Variants in SH3BP4 observed in about 807,000 individuals in gnomAD.
SH3BP4 encodes SH3 domain-binding protein 4.
In SH3BP4, 33 loss-of-function variants were observed where a neutral mutation model predicts 65.5. The ratio of observed to expected loss-of-function variants is 0.50; its 90% confidence interval spans 0.38 to 0.67. The LOEUF (loss-of-function observed/expected upper bound fraction) is 0.67. SH3BP4 is among the 30% of genes least tolerant of loss of function. The pLI, the probability that SH3BP4 is intolerant of heterozygous loss-of-function variation, is 0.00. For synonymous variants in SH3BP4, 552 were observed against 545.5 expected (o/e 1.01, Z -0.17); for missense variants, 1,134 against 1,261.4 (o/e 0.90, Z 1.53).
chr2:235,024,916 A>C (rs1694952746), intron 2 of SH3BP4, among the ~76,000 whole-genome samples: 1 of 152,058 alleles, frequency 6.6e-6, no homozygotes. Context: ...GTCTGAGTAC[A>C]ACCCTCTGGC....
In SH3BP4 at chr2:235,033,460, C is replaced by T. The variant is rs563169907; in HGVS notation, c.-132-1411C>T. Among the ~76,000 whole-genome samples, 86 of 152,334 alleles carry T rather than the reference C, an allele frequency of 5.6e-4. No homozygotes were observed. Among genetic ancestry groups the T allele is most frequent in the African/African-American group, 1.3e-3 (56 of 41,584 alleles). On this transcript the variant is annotated intron_variant, in intron 2 of 5. Coordinates refer to ENST00000392011, the MANE Select transcript of SH3BP4 (RefSeq NM_014521.3). The surrounding 1 kb of genome is among the most constrained non-coding windows in gnomAD (Gnocchi z 5.7). ...GGACAGACCTTCAACATAGGAGTTT[C>T]GGGAAACACAGTTCAGTCCGTAACA...
At chr2:234,955,908 C>A (rs1290520625) in intron 1 of SH3BP4, among the ~76,000 whole-genome samples, 1 of 152,080 alleles carries the variant, frequency 6.6e-6, no homozygotes, top group East Asian at 1.9e-4. Context: ...TTAATGAGTG[C>A]TTGAGTTGGG....
chr2:234,967,069 A>G lies in SH3BP4; in HGVS notation c.-207+14899A>G, dbSNP rs926575188. 6.6e-6 allele frequency among the ~76,000 whole-genome samples: 1 copy of G among 151,980 alleles called. No individual in the cohort carries two copies. Among genetic ancestry groups the G allele is most frequent in the East Asian group, 1.9e-4 (1 of 5,200 alleles). The stretch of plus-strand genomic sequence containing the variant: ...TTCAGCGCTTTACAACCTTACAACC[A>G]TAGGAGGGGAGGGACTCTTACTGTC... On this transcript the variant is annotated intron_variant, in intron 1 of 5. Transcript: ENST00000392011. This position sits in a 1 kb window ranked among gnomAD's most constrained non-coding sequence, Gnocchi z 4.6.
chr2:235,020,251 C>T (rs1417421273), intron 2 of SH3BP4, among the ~76,000 whole-genome samples: 1 of 152,230 alleles, frequency 6.6e-6, no homozygotes, highest in Non-Finnish European at 1.5e-5. Flanking sequence ...AATCCCAGCA[C>T]TTTGGGAGGC....
Position 235,041,558 on chromosome 2 carries a change from G to A in SH3BP4, c.789G>A (p.Ser263=), listed in dbSNP as rs746678050. The change falls in exon 4 of 6, where the codon TCG becomes TCA. Residue 263 remains serine, a synonymous_variant. Coordinates refer to ENST00000392011, the MANE Select transcript of SH3BP4 (RefSeq NM_014521.3). The surrounding 1 kb of genome is among the most constrained non-coding windows in gnomAD (Gnocchi z 6.0). ...CCAAGTCCGATGCTCCCACATCGTC[G>A]AGTTTCTTCACCGGCTTGAAATCAC... is the stretch of plus-strand genomic sequence containing the variant. The part of the protein sequence containing the change: ...LQAKSDAPTS[S]SFFTGLKSPA... 61 of 1,614,000 alleles carry A rather than the reference G, an allele frequency of 3.8e-5. No individual in the cohort carries two copies. Among genetic ancestry groups the A allele is most frequent in the Non-Finnish European group, 1.8e-5 (21 of 1,180,056 alleles).
intron 1 of SH3BP4, among the ~76,000 whole-genome samples, chr2:234,990,519 G>A (rs1247240479): frequency 6.6e-6 from 1 of 152,236 alleles, no homozygotes; most frequent in East Asian, 1.9e-4. Flanking sequence ...AGTTTTGTGT[G>A]TTCCTGCATA....
At chr2:234,980,416 C>A (rs1693340640) in intron 1 of SH3BP4, among the ~76,000 whole-genome samples, 1 of 152,288 alleles carries the variant, frequency 6.6e-6, no homozygotes. Flanking sequence ...ACTGTAGCAC[C>A]TGTTTTGGGA....
chr2:235,051,329 A>G (rs1696045884), intron 4 of SH3BP4, among the ~76,000 whole-genome samples: 1 of 152,038 alleles, frequency 6.6e-6, no homozygotes, highest in Admixed American at 6.5e-5. Flanking sequence ...TTGTTTCTTT[A>G]AACCAGAAGT....
intron 2 of SH3BP4, among the ~76,000 whole-genome samples, chr2:235,024,455 C>G (rs1301112122): frequency 6.6e-6 from 1 of 152,146 alleles, no homozygotes; most frequent in Non-Finnish European, 1.5e-5. Context: ...CAGGGCTCCA[C>G]TCACGTCCTC....
intron 3 of SH3BP4, among the ~76,000 whole-genome samples, chr2:235,036,756 A>AATAATAATAATAATAATAATG (rs1473227724): frequency 6.6e-6 from 1 of 151,400 alleles, no homozygotes; most frequent in East Asian, 1.9e-4. Context: ...TAATAATAAT[A>AATAATAATAATAATAATAATG]ATGACAGTGC....
intron 2 of SH3BP4, among the ~76,000 whole-genome samples, chr2:235,008,102 T>G (rs1029131335): frequency 6.6e-6 from 1 of 152,288 alleles, no homozygotes; most frequent in African/African-American, 2.4e-5. Context: ...CTGTGTGGCC[T>G]TCCTCTCCAG....
At chr2:235,005,073 G>A (rs1037652872) in intron 2 of SH3BP4, among the ~76,000 whole-genome samples, 2 of 152,164 alleles carry the variant, frequency 1.3e-5, no homozygotes, top group South Asian at 2.1e-4. Context: ...AGATCCCCCT[G>A]GGTGTTAACA....
rs1246752898 is a variant in SH3BP4 at position 235,046,352 on chromosome 2, T to G, written c.2478+3105T>G. On this transcript the variant is annotated intron_variant, in intron 4 of 5. Coordinates refer to ENST00000392011, the MANE Select transcript of SH3BP4 (RefSeq NM_014521.3). This position sits in a 1 kb window ranked among gnomAD's most constrained non-coding sequence, Gnocchi z 4.2. ...GGGAGGCTGAGACAGGAGAATCGCT[T>G]GAGCCCGGGAATTCAAGACCAGCCT... Among the ~76,000 whole-genome samples, 1 of 152,156 alleles carries G rather than the reference T, an allele frequency of 6.6e-6. No homozygotes were observed. Among genetic ancestry groups the G allele is most frequent in the Non-Finnish European group, 1.5e-5 (1 of 68,032 alleles).
At chr2:235,049,230 G>A (rs1037662846) in intron 4 of SH3BP4, among the ~76,000 whole-genome samples, 7 of 152,154 alleles carry the variant, frequency 4.6e-5, no homozygotes, top group African/African-American at 1.7e-4. Flanking sequence ...CCTTCCCAGG[G>A]GCCAGAGAAC....
chr2:235,051,796 G>A (rs953173233), intron 4 of SH3BP4, among the ~76,000 whole-genome samples: 1 of 152,048 alleles, frequency 6.6e-6, no homozygotes, highest in Non-Finnish European at 1.5e-5. Context: ...TGTCAGCACC[G>A]CACACTCAGC....
intron 3 of SH3BP4, among the ~76,000 whole-genome samples, chr2:235,036,893 C>CTGAAACATGAAGGGGAGGGTGTTT (rs1341902271): frequency 2.2e-4 from 33 of 151,952 alleles, no homozygotes; most frequent in Admixed American, 1.8e-3. Flanking sequence ...TTTTGAGAAT[C>CTGAAACATGAAGGGGAGGGTGTTT]TGAGGTGGAC....
In SH3BP4 at chr2:235,045,092, C is replaced by T. The variant is rs1574848660; in HGVS notation, c.2478+1845C>T. On this transcript the variant is annotated intron_variant, in intron 4 of 5. Transcript: ENST00000392011. The surrounding 1 kb of genome is among the most constrained non-coding windows in gnomAD (Gnocchi z 4.3). Reference sequence around the variant, plus strand: ...GTGTGATTCAGAGCACACCTCCTGGCTCTCCAGAACCTGGTGCCGGGCCGT... The same window carrying T: ...GTGTGATTCAGAGCACACCTCCTGGTTCTCCAGAACCTGGTGCCGGGCCGT... 6.6e-6 allele frequency among the ~76,000 whole-genome samples: 1 copy of T among 152,214 alleles called. No individual in the cohort carries two copies. Among genetic ancestry groups the T allele is most frequent in the South Asian group, 2.1e-4 (1 of 4,832 alleles).
At chr2:234,953,860 A>G (rs56111051) in intron 1 of SH3BP4, among the ~76,000 whole-genome samples, 5,934 of 151,848 alleles carry the variant, frequency 0.039, 401 homozygotes, top group African/African-American at 0.14. Flanking sequence ...AATCCCTCAG[A>G]GTGGGAAGCT....
chr2:235,016,357 A>G (rs1379636015), intron 2 of SH3BP4, among the ~76,000 whole-genome samples: 1 of 152,142 alleles, frequency 6.6e-6, no homozygotes, highest in African/African-American at 2.4e-5. Flanking sequence ...TCACCTGAGC[A>G]TGTGTTGTAC....
Sources: allele counts gnomAD v4.1 joint callset (sites outside exome capture counted in the v4.1 genomes callset), GRCh38; gene constraint gnomAD v4.1.1; non-coding constraint Gnocchi (gnomAD v3.1); transcripts MANE v1.5; gene names NCBI Gene and HGNC (gene_info 2026-07-23, HGNC 2026-07-21).